Variants in MITF observed in about 807,000 individuals in gnomAD.
MITF encodes microphthalmia-associated transcription factor.
MITF carries 17 observed loss-of-function variants against 60.5 expected under a neutral mutation model. The ratio of observed to expected loss-of-function variants is 0.28; its 90% CI spans 0.19 to 0.42. MITF has a LOEUF of 0.42. Among genes scored for constraint, MITF ranks in the 10% least tolerant of loss-of-function variants. The probability of loss-of-function intolerance (pLI) is 1.00; values close to 1 mark genes in which losing one functional copy is unlikely to be tolerated. For synonymous variants in MITF, 260 were observed against 248.5 expected, an observed-to-expected ratio of 1.05 and a Z score of -0.43; for missense variants, 622 against 683.5, an observed-to-expected ratio of 0.91 and a Z score of 1.00.
At chr3:69,773,150 A>T (rs1248522380) in intron 1 of MITF, among the ~76,000 whole-genome samples, 1 of 152,154 alleles carries the variant, frequency 6.6e-6, no homozygotes, top group East Asian at 1.9e-4. Flanking sequence ...AGCACAGCAG[A>T]CAGAAGGAAG....
At chr3:69,774,972 C>T (rs1293626453) in intron 1 of MITF, among the ~76,000 whole-genome samples, 1 of 152,142 alleles carries the variant, frequency 6.6e-6, no homozygotes, top group Non-Finnish European at 1.5e-5. Context: ...TTATTTTACA[C>T]CTCAGGCCTT....
chr3:69,876,864 C>CT (rs2064365528), intron 1 of MITF, among the ~76,000 whole-genome samples: 1 of 152,022 alleles, frequency 6.6e-6, no homozygotes, highest in Non-Finnish European at 1.5e-5. Context: ...TTTTCATGGT[C>CT]TTAAATTAGT....
intron 9 of MITF, among the ~76,000 whole-genome samples, chr3:69,961,373 C>G (rs2066541312): frequency 6.8e-6 from 1 of 148,058 alleles, no homozygotes; most frequent in Admixed American, 6.8e-5. Flanking sequence ...CAGAGTGAGA[C>G]TCCATCTCAA....
intron 1 of MITF, among the ~76,000 whole-genome samples, chr3:69,764,943 TTTC>T (rs2062267476): frequency 6.6e-6 from 1 of 152,186 alleles, no homozygotes; most frequent in Non-Finnish European, 1.5e-5. Flanking sequence ...GGCCTCAGGC[TTTC>T]TTATCACTTG....
intron 2 of MITF, among the ~76,000 whole-genome samples, chr3:69,931,045 T>A (rs1263148041): frequency 9.9e-5 from 15 of 152,252 alleles, no homozygotes; most frequent in Non-Finnish European, 1.5e-5. Context: ...GAATATTTTA[T>A]GTGATTATCC....
chr3:69,822,922 A>G (rs753420520), intron 1 of MITF, among the ~76,000 whole-genome samples: 79 of 151,042 alleles, frequency 5.2e-4, no homozygotes, highest in Non-Finnish European at 9.9e-4. Context: ...TTTTTCTTGA[A>G]AGAGTCTCAC....
intron 1 of MITF, among the ~76,000 whole-genome samples, chr3:69,767,360 G>C (rs1414919302): frequency 3.3e-5 from 5 of 152,038 alleles, no homozygotes; most frequent in Admixed American, 1.3e-4. Flanking sequence ...GAGGTGGGTG[G>C]GTCACTTGAG....
chr3:69,920,814 G>A (rs2065449602), intron 2 of MITF, among the ~76,000 whole-genome samples: 1 of 152,174 alleles, frequency 6.6e-6, no homozygotes, highest in African/African-American at 2.4e-5. Context: ...TTTGTCTTGT[G>A]TCTTTATTTC....
intron 1 of MITF, among the ~76,000 whole-genome samples, chr3:69,855,660 G>A (rs1462480736): frequency 2.6e-5 from 4 of 151,440 alleles, no homozygotes; most frequent in Admixed American, 2.6e-4. Flanking sequence ...TAATACTGGG[G>A]GAAAAATTGT....
At chr3:69,942,793 T>G (rs1559737607) in intron 5 of MITF, among the ~76,000 whole-genome samples, 1 of 152,098 alleles carries the variant, frequency 6.6e-6, no homozygotes, top group Admixed American at 6.6e-5. Flanking sequence ...AGTAAAACAC[T>G]TGGGGGAGCA....
chr3:69,782,397 T>G (rs939112339), intron 1 of MITF, among the ~76,000 whole-genome samples: 2 of 152,240 alleles, frequency 1.3e-5, no homozygotes, highest in Non-Finnish European at 2.9e-5. Context: ...ATTGAATGCT[T>G]ATTATGTGCT....
At chr3:69,864,051 C>G (rs1376407660) in intron 1 of MITF, among the ~76,000 whole-genome samples, 1 of 152,082 alleles carries the variant, frequency 6.6e-6, no homozygotes, top group African/African-American at 2.4e-5. Context: ...ATTGTAAGAG[C>G]TTTTTTAAAA....
intron 1 of MITF, among the ~76,000 whole-genome samples, chr3:69,800,674 G>A (rs2062905150): frequency 6.6e-6 from 1 of 152,010 alleles, no homozygotes; most frequent in Non-Finnish European, 1.5e-5. Context: ...AGTGGTCATT[G>A]TGTCTCTTTT....
chr3:69,830,804 G>T (rs2063434280), intron 1 of MITF, among the ~76,000 whole-genome samples: 2 of 152,126 alleles, frequency 1.3e-5, no homozygotes, highest in Admixed American at 1.3e-4. Flanking sequence ...CATGTATACT[G>T]CATCCCATCG....
chr3:69,768,705 G>A (rs2062341685), intron 1 of MITF, among the ~76,000 whole-genome samples: 1 of 152,136 alleles, frequency 6.6e-6, no homozygotes, highest in African/African-American at 2.4e-5. Flanking sequence ...TGATGTTTTG[G>A]TACAGAAATG....
intron 1 of MITF, among the ~76,000 whole-genome samples, chr3:69,875,498 T>A (rs2064333070): frequency 6.6e-6 from 1 of 152,238 alleles, no homozygotes; most frequent in South Asian, 2.1e-4. Flanking sequence ...TTACATAATC[T>A]GATTAAAAGG....
intron 1 of MITF, among the ~76,000 whole-genome samples, chr3:69,851,904 AAATTT>A (rs2063830361): frequency 6.6e-6 from 1 of 152,242 alleles, no homozygotes; most frequent in Admixed American, 6.5e-5. Context: ...TAAATTTCAT[AAATTT>A]AATTTAAACC....
At chr3:69,933,025 A>G (rs1296600902) in intron 2 of MITF, among the ~76,000 whole-genome samples, 1 of 151,944 alleles carries the variant, frequency 6.6e-6, no homozygotes, top group Non-Finnish European at 1.5e-5. Context: ...TATTAAAAAT[A>G]TATATATATA....
intron 5 of MITF, among the ~76,000 whole-genome samples, chr3:69,946,245 C>T (rs780637323): frequency 7.9e-5 from 12 of 152,112 alleles, no homozygotes; most frequent in Middle Eastern, 3.2e-3. Context: ...ATAGCAAGTT[C>T]GTAAAGAGGC....
Sources: gnomAD v4.1 joint callset for allele counts (sites outside exome capture counted in the v4.1 genomes callset) on GRCh38, gnomAD v4.1.1 for gene constraint, MANE v1.5 for transcripts, NCBI Gene and HGNC (gene_info 2026-07-23, HGNC 2026-07-21) for gene names.